The following DNAH11 variants were observed in gnomAD, a reference collection of about 807,000 sequenced individuals.
DNAH11 encodes the protein dynein axonemal heavy chain 11.
A neutral mutation model predicts 526.0 loss-of-function variants in DNAH11; 442 were observed. The observed-to-expected ratio is 0.84, with a 90% CI of 0.78 to 0.91. The LOEUF (loss-of-function observed/expected upper bound fraction) is 0.91. Among genes scored for constraint, DNAH11 ranks in the 40% least tolerant of loss-of-function variants. DNAH11 has a pLI of 0.00. For missense variants in DNAH11, 6,989 were observed against 5,448.7 expected, an observed-to-expected ratio of 1.28 and a Z score of -8.90; for synonymous variants, 2,461 against 1,935.9, an observed-to-expected ratio of 1.27 and a Z score of -7.12.
At chr7:21,763,864 AAAAC>A (rs1468118749) in intron 54 of DNAH11, among the ~76,000 whole-genome samples, 2 of 151,288 alleles carry the variant, frequency 1.3e-5, no homozygotes, top group Non-Finnish European at 2.9e-5. Flanking sequence ...TTTCATCTAT[AAAAC>A]AAAATCCTGT....
rs193192868 is a variant in DNAH11 at position 21,647,466 on chromosome 7, A to G, written c.4945-8366A>G. Among the ~76,000 whole-genome samples the G allele has an allele frequency of 5.8e-3, 690 of 118,950 alleles. 22 individuals carry two copies. In the Admixed American group the frequency reaches 0.065, roughly 11 times the overall value. 78.0% of individuals were successfully genotyped at this position (118,950 alleles called of 152,430 possible). On this transcript the variant is annotated intron_variant, in intron 28 of 81. Coordinates refer to ENST00000409508, the MANE Select transcript of DNAH11 (RefSeq NM_001277115.2). ...TTTTTTTGAGACAGAGTCTTACTCT[A>G]TTGCCCAGGCTGGAGTGTAGTGGCC...
chr7:21,840,469 A>G (rs1023054726), intron 65 of DNAH11, among the ~76,000 whole-genome samples: 4 of 152,226 alleles, frequency 2.6e-5, no homozygotes, highest in African/African-American at 4.8e-5. Context: ...AAGGTAAAAT[A>G]GAAGACTGAG....
intron 68 of DNAH11, among the ~76,000 whole-genome samples, chr7:21,856,829 C>T (rs553372665): frequency 6.6e-6 from 1 of 151,992 alleles, no homozygotes; most frequent in South Asian, 2.1e-4. Flanking sequence ...TAGATGGTAA[C>T]TTCTCAACAT....
At chr7:21,582,452 G>A (rs972327588) in intron 9 of DNAH11, among the ~76,000 whole-genome samples, 2 of 152,030 alleles carry the variant, frequency 1.3e-5, no homozygotes, top group Non-Finnish European at 2.9e-5. Context: ...TATTTACCCA[G>A]GCATAAGACA....
chr7:21,791,670 A>G (rs1482390359), intron 61 of DNAH11, among the ~76,000 whole-genome samples: 2 of 152,140 alleles, frequency 1.3e-5, no homozygotes, highest in East Asian at 1.9e-4. Flanking sequence ...ATTTCTTTCC[A>G]TCATTCCCAC....
At chr7:21,710,970 C>A (rs1335752716) in intron 41 of DNAH11, among the ~76,000 whole-genome samples, 1 of 152,128 alleles carries the variant, frequency 6.6e-6, no homozygotes, top group African/African-American at 2.4e-5. Context: ...ACAGATCTTA[C>A]CACTTTCTAA....
In DNAH11 at chr7:21,591,196, T is replaced by C. The variant is rs1324057380; in HGVS notation, c.2286T>C (p.Asn762=). Residue 762 remains asparagine, a synonymous_variant, in exon 14 of 82, where the codon AAT becomes AAC. Coordinates refer to ENST00000409508, the MANE Select transcript of DNAH11 (RefSeq NM_001277115.2). ...TTTTCTTTGCTCAGTACATTGGAAA[T>C]CTTGACCTTCTTGTGCAAGGGTATA... The part of the protein sequence containing the change: ...KRNTILKYIG[N]LDLLVQGYNK... The C allele has an allele frequency of 6.5e-7, 1 of 1,545,320 alleles. No individual in the cohort carries two copies.
At chr7:21,583,007 C>G (rs1554314930) in intron 9 of DNAH11, among the ~76,000 whole-genome samples, 2 of 152,154 alleles carry the variant, frequency 1.3e-5, no homozygotes, top group Non-Finnish European at 2.9e-5. Context: ...AATGGCCATA[C>G]TGCTCAAAGT....
rs117449190 is a variant in DNAH11 at position 21,709,378 on chromosome 7, C to T, written c.6684-1175C>T. On this transcript the variant is annotated intron_variant, in intron 40 of 81. Transcript: ENST00000409508. The stretch of plus-strand genomic sequence containing the variant: ...ACAAGTGGGAGCTAAACATTGGGTA[C>T]ATGTGGACATAAAGATGGGAGCCAT... Among the ~76,000 whole-genome samples the T allele has an allele frequency of 8.5e-3, 1,298 of 152,150 alleles. 111 individuals carry two copies. In the East Asian group the frequency reaches 0.2, roughly 24 times the overall value.
rs548668087 is a variant in DNAH11 at position 21,617,635 on chromosome 7, A to G, written c.4112A>G (p.Asn1371Ser). Residue 1371 changes from asparagine (N) to serine (S), a missense_variant, in exon 23 of 82, where the codon AAC (asparagine) becomes AGC (serine). Physicochemically the swap from Asn to Ser is conservative, Grantham distance 46. Coordinates refer to ENST00000409508, the MANE Select transcript of DNAH11 (RefSeq NM_001277115.2). Reference sequence around the variant, plus strand: ...TTTCTTTAGGAAATTTGGTCACTCAACAAGGAAGTCCGCGTCTGGGATGCT... The same window carrying G: ...TTTCTTTAGGAAATTTGGTCACTCAGCAAGGAAGTCCGCGTCTGGGATGCT... ...RRFAKEIWSL[N>S]KEVRVWDAYT... 6 of 1,613,790 alleles carry G rather than the reference A, an allele frequency of 3.7e-6. No homozygotes were observed. The South Asian group carries it at 4.4e-5, about 12-fold the overall frequency.
At chr7:21,768,403 A>C (rs1315508456) in intron 55 of DNAH11, among the ~76,000 whole-genome samples, 2 of 152,230 alleles carry the variant, frequency 1.3e-5, no homozygotes, top group Non-Finnish European at 2.9e-5. Context: ...AATCATAGAC[A>C]TCTTTGAAAG....
chr7:21,754,193 A>T (rs928063093), intron 54 of DNAH11, among the ~76,000 whole-genome samples: 2 of 152,146 alleles, frequency 1.3e-5, no homozygotes, highest in African/African-American at 4.8e-5. Context: ...TCTTACTTTA[A>T]TGGGGATGTG....
intron 76 of DNAH11, among the ~76,000 whole-genome samples, chr7:21,886,198 C>T (rs1583812295): frequency 6.6e-6 from 1 of 152,204 alleles, no homozygotes; most frequent in South Asian, 2.1e-4. Context: ...GATTTGATCA[C>T]CTTCCTAGAG....
intron 30 of DNAH11, among the ~76,000 whole-genome samples, chr7:21,667,505 G>A (rs772300951): frequency 1.3e-5 from 2 of 152,148 alleles, no homozygotes; most frequent in Non-Finnish European, 2.9e-5. Context: ...ATGGCCTATA[G>A]TTTACCACCT....
At chr7:21,761,550 C>T (rs1276438896) in intron 54 of DNAH11, among the ~76,000 whole-genome samples, 1 of 152,162 alleles carries the variant, frequency 6.6e-6, no homozygotes, top group Admixed American at 6.5e-5. Context: ...CTGTGGGTGT[C>T]AGAATCACCT....
intron 14 of DNAH11, among the ~76,000 whole-genome samples, chr7:21,597,608 T>A (rs1009579801): frequency 8.6e-5 from 13 of 152,040 alleles, no homozygotes; most frequent in African/African-American, 3.1e-4. Context: ...CACACACTTA[T>A]CAAACAACCA....
chr7:21,714,915 T>G (rs945891645), intron 42 of DNAH11, among the ~76,000 whole-genome samples: 3 of 152,218 alleles, frequency 2.0e-5, no homozygotes, highest in Non-Finnish European at 4.4e-5. Context: ...GCCACAACTT[T>G]AGATCATACT....
intron 6 of DNAH11, among the ~76,000 whole-genome samples, chr7:21,567,604 C>T (rs1388633561): frequency 6.6e-6 from 1 of 152,208 alleles, no homozygotes; most frequent in Non-Finnish European, 1.5e-5. Context: ...ACTTCAAATG[C>T]CCCTTAAGGT....
chr7:21,588,285 C>T, intron 10 of DNAH11, 84 bp downstream of exon 10: 1 of 1,477,526 alleles, frequency 6.8e-7, no homozygotes. Context: ...GTGATTATAT[C>T]TAAAGATTAG....
Sources: allele counts gnomAD v4.1 joint callset (sites outside exome capture counted in the v4.1 genomes callset), GRCh38; gene constraint gnomAD v4.1.1; transcripts MANE v1.5; gene names NCBI Gene and HGNC (gene_info 2026-07-23, HGNC 2026-07-21).